Variants in CIT observed in about 807,000 individuals in gnomAD.
The protein encoded by CIT is citron rho-interacting serine/threonine kinase.
CIT carries 79 observed loss-of-function variants against 272.7 expected under a neutral mutation model. That is an observed-to-expected ratio of 0.29 (90% CI 0.24 to 0.35). The LOEUF is 0.35. CIT is among the 10% of genes least tolerant of loss of function. The pLI is 1.00. For missense variants in CIT, 1,909 were observed against 2,618.3 expected, an observed-to-expected ratio of 0.73 and a Z score of 5.91; for synonymous variants, 948 against 995.6, an observed-to-expected ratio of 0.95 and a Z score of 0.90.
chr12:119,760,102 A>C (rs1961564261), intron 20 of CIT, among the ~76,000 whole-genome samples: 1 of 151,342 alleles, frequency 6.6e-6, no homozygotes, highest in Non-Finnish European at 1.5e-5. Context: ...CAGGAAAATT[A>C]CTTGAACCTG....
At chr12:119,759,336 C>T (rs989280948) in intron 20 of CIT, among the ~76,000 whole-genome samples, 3 of 152,200 alleles carry the variant, frequency 2.0e-5, no homozygotes, top group East Asian at 1.9e-4. Context: ...ATCGAGGTTG[C>T]GTGCTCCTAA....
intron 19 of CIT, among the ~76,000 whole-genome samples, chr12:119,765,704 T>C (rs1212662540): frequency 6.6e-6 from 1 of 151,782 alleles, no homozygotes. Flanking sequence ...ATTCCTAGAC[T>C]CAAGTGATTC....
chr12:119,755,859 A>T lies in CIT; in HGVS notation c.2706+1512T>A, dbSNP rs138917480. 1.1e-4 allele frequency among the ~76,000 whole-genome samples: 17 copies of T among 152,270 alleles called. No homozygotes were observed. The East Asian group carries it at 3.1e-3, about 28-fold the overall frequency. Reference sequence around the variant, plus strand: ...TTTTTGAAGAGAGCTACCTTTCATCAATCACACCTAAATTTGGTTTTGTCT... The same window carrying T: ...TTTTTGAAGAGAGCTACCTTTCATCTATCACACCTAAATTTGGTTTTGTCT... On this transcript the variant is annotated intron_variant, in intron 22 of 47. Transcript: ENST00000392521.
intron 9 of CIT, among the ~76,000 whole-genome samples, chr12:119,813,693 A>G (rs569165604): frequency 1.1e-4 from 16 of 152,282 alleles, no homozygotes; most frequent in African/African-American, 2.6e-4. Flanking sequence ...AAAGGCATTA[A>G]TTTATCTCAC....
rs1220667123 is a variant in CIT, at chr12:119,712,100, G to A, written c.4854+78C>T. 1 of 1,391,294 alleles carries A rather than the reference G, an allele frequency of 7.2e-7. No individual in the cohort carries two copies. Among genetic ancestry groups the A allele is most frequent in the Non-Finnish European group, 9.8e-7 (1 of 1,018,538 alleles). The allele number at this position is 1,391,294 out of a possible 1,614,324, so 86.2% of individuals were successfully genotyped here. On this transcript the variant is annotated intron_variant, in intron 37 of 47. Coordinates refer to ENST00000392521, the MANE Select transcript of CIT (RefSeq NM_001206999.2). The surrounding 1 kb of genome is among the most constrained non-coding windows in gnomAD (Gnocchi z 5.2). ...CTGAGGGGAATCAAAATGGCCAATG[G>A]GATTCTCGTCGTTAACACCAGTTAC...
chr12:119,691,743 G>A (rs985221281), intron 46 of CIT, among the ~76,000 whole-genome samples: 2 of 152,216 alleles, frequency 1.3e-5, no homozygotes, highest in Admixed American at 1.3e-4. Flanking sequence ...CCTCTCTGAA[G>A]ATGTAGTAAG....
At chr12:119,692,324 C>T (rs1291402824) in intron 46 of CIT, among the ~76,000 whole-genome samples, 1 of 152,226 alleles carries the variant, frequency 6.6e-6, no homozygotes, top group Non-Finnish European at 1.5e-5. Context: ...AAAGTGTTTT[C>T]CCAAAGGACT....
chr12:119,856,368 T>C (rs1180934654), intron 4 of CIT, among the ~76,000 whole-genome samples: 2 of 152,192 alleles, frequency 1.3e-5, no homozygotes, highest in East Asian at 3.8e-4. Flanking sequence ...ACATCATGAA[T>C]GCACTGAATA....
At chr12:119,846,059 T>G (rs1969784385) in intron 5 of CIT, among the ~76,000 whole-genome samples, 1 of 151,868 alleles carries the variant, frequency 6.6e-6, no homozygotes, top group South Asian at 2.1e-4. Flanking sequence ...AGTGAGAAAT[T>G]ATCAAAGTGC....
chr12:119,706,738 C>T (rs1956894610), intron 40 of CIT, among the ~76,000 whole-genome samples: 1 of 152,202 alleles, frequency 6.6e-6, no homozygotes, highest in Non-Finnish European at 1.5e-5. Context: ...GAGTAGGCTG[C>T]AATGAACATA....
At chr12:119,767,288 C>A (rs568621888) in intron 18 of CIT, 106 bp from the exon 19 acceptor site, 1 of 824,736 alleles carries the variant, frequency 1.2e-6, no homozygotes. Flanking sequence ...CCACAGGTAA[C>A]GGTCATCTGG....
At chr12:119,748,612 A>T (rs1959781845) in intron 23 of CIT, among the ~76,000 whole-genome samples, 1 of 152,250 alleles carries the variant, frequency 6.6e-6, no homozygotes, top group South Asian at 2.1e-4. Context: ...AGAGGGCTTG[A>T]TATTTATGTA....
At chr12:119,766,873 A>AT (rs1163071655) in intron 19 of CIT, among the ~76,000 whole-genome samples, 1 of 151,098 alleles carries the variant, frequency 6.6e-6, no homozygotes, top group African/African-American at 2.4e-5. Flanking sequence ...TGATGACCAC[A>AT]TTTAAAAAAA....
chr12:119,722,241 G>A (rs1434329254), intron 28 of CIT, among the ~76,000 whole-genome samples: 1 of 152,190 alleles, frequency 6.6e-6, no homozygotes, highest in Non-Finnish European at 1.5e-5. Flanking sequence ...ATCCTGATGA[G>A]ACAGTGCTTG....
chr12:119,736,787 G>C (rs175877), intron 24 of CIT, among the ~76,000 whole-genome samples: 128,653 of 152,262 alleles, frequency 0.84, 54,820 homozygotes, highest in African/African-American at 0.93. Flanking sequence ...ACAATGCCCA[G>C]TAGTTCAACT....
rs893711914 is a variant in CIT at position 119,714,403 on chromosome 12, A to G, written c.4169-69T>C. 3.2e-6 allele frequency: 5 copies of G among 1,547,460 alleles called. No homozygotes were observed. In the African/African-American group the frequency reaches 6.9e-5, roughly 21 times the overall value. The stretch of plus-strand genomic sequence containing the variant: ...ATCCCATCAGGAAAGTGAAAAGACA[A>G]CCCACAGAAAGGGAAAAAATACTTG... On this transcript the variant is annotated intron_variant, in intron 32 of 47. Coordinates refer to ENST00000392521, the MANE Select transcript of CIT (RefSeq NM_001206999.2).
chr12:119,699,063 T>G (rs889226627), intron 44 of CIT, among the ~76,000 whole-genome samples: 1 of 152,126 alleles, frequency 6.6e-6, no homozygotes, highest in African/African-American at 2.4e-5. Flanking sequence ...AAGACCAGCC[T>G]GGCCAACATG....
intron 9 of CIT, among the ~76,000 whole-genome samples, chr12:119,817,636 G>A (rs555306446): frequency 2.0e-5 from 3 of 152,220 alleles, no homozygotes; most frequent in South Asian, 2.1e-4. Context: ...GCAAAAGACC[G>A]GTTAGGCTCT....
intron 23 of CIT, among the ~76,000 whole-genome samples, chr12:119,744,186 G>A (rs1420934407): frequency 6.6e-6 from 1 of 152,084 alleles, no homozygotes; most frequent in Non-Finnish European, 1.5e-5. Context: ...ACCAAACAGA[G>A]AAAGTGGATG....
Sources: allele counts gnomAD v4.1 joint callset (sites outside exome capture counted in the v4.1 genomes callset), GRCh38; gene constraint gnomAD v4.1.1; non-coding constraint Gnocchi (gnomAD v3.1); transcripts MANE v1.5; gene names NCBI Gene and HGNC (gene_info 2026-07-23, HGNC 2026-07-21).